Variants in LINGO2 observed in about 807,000 individuals in gnomAD.
The protein encoded by LINGO2 is leucine rich repeat and Ig domain containing 2, also known as leucine-rich repeat and immunoglobulin-like domain-containing nogo receptor-interacting protein 2.
A neutral mutation model predicts 30.6 loss-of-function variants in LINGO2; 14 were observed. The observed-to-expected ratio is 0.46, with a 90% confidence interval of 0.30 to 0.72. LINGO2 has a LOEUF of 0.72. Ranked by LOEUF, LINGO2 falls within the 30% of genes least tolerant of loss-of-function variation. The pLI is 0.07. For missense variants in LINGO2, 729 were observed against 751.7 expected, an observed-to-expected ratio of 0.97 and a Z score of 0.35; for synonymous variants, 317 against 288.5, an observed-to-expected ratio of 1.10 and a Z score of -1.00.
chr9:28,800,168 C>T, the LINGO2 span, among the ~76,000 whole-genome samples: 2 of 152,060 alleles, frequency 1.3e-5, no homozygotes, highest in East Asian at 3.9e-4. Flanking sequence ...TCTATATCAA[C>T]ATAGGTTCCT....
intron 4 of LINGO2, among the ~76,000 whole-genome samples, chr9:28,075,790 T>C (rs1825606398): frequency 6.6e-6 from 1 of 152,020 alleles, no homozygotes; most frequent in South Asian, 2.1e-4. Context: ...TCTTTATATG[T>C]TACACATACT....
chr9:28,606,099 C>T (rs1359861024), intron 1 of LINGO2, among the ~76,000 whole-genome samples: 1 of 151,892 alleles, frequency 6.6e-6, no homozygotes, highest in Non-Finnish European at 1.5e-5. Flanking sequence ...GAATAAAAAC[C>T]CAGGATCCCT....
At chr9:28,692,120 G>A in the LINGO2 span, among the ~76,000 whole-genome samples, 1 of 152,084 alleles carries the variant, frequency 6.6e-6, no homozygotes, top group Non-Finnish European at 1.5e-5. Context: ...TTTGCACTAT[G>A]ATATTCTCAT....
chr9:29,036,617 A>G, the LINGO2 span, among the ~76,000 whole-genome samples: 8 of 152,008 alleles, frequency 5.3e-5, no homozygotes, highest in Admixed American at 2.6e-4. Flanking sequence ...TTTGGGAGAG[A>G]TCGGAAATCT....
rs182401873 is a variant in LINGO2 at position 28,246,494 on chromosome 9, G to C, written c.-87+48714C>G. On this transcript the variant is annotated intron_variant, in intron 4 of 5. Coordinates refer to ENST00000379992, the Ensembl canonical transcript of LINGO2. ...CTTAAACAAACCTAACAAAAACAAG[G>C]AATAGGGAAAGTATTCCCTATTTAA... is the stretch of plus-strand genomic sequence containing the variant. Among the ~76,000 whole-genome samples, 19 of 152,078 alleles carry C rather than the reference G, an allele frequency of 1.2e-4. No individual in the cohort carries two copies. In the East Asian group the frequency reaches 3.7e-3, roughly 29 times the overall value.
chr9:28,912,892 G>A, the LINGO2 span, among the ~76,000 whole-genome samples: 1 of 152,162 alleles, frequency 6.6e-6, no homozygotes, highest in Non-Finnish European at 1.5e-5. Context: ...TCTTGAGATT[G>A]TGTGGAATCT....
chr9:28,135,788 C>T (rs927810101), intron 4 of LINGO2, among the ~76,000 whole-genome samples: 1 of 152,184 alleles, frequency 6.6e-6, no homozygotes, highest in African/African-American at 2.4e-5. Flanking sequence ...AATGCCTTCC[C>T]TCTACCCTCT....
At chr9:28,553,748 GA>G (rs1822458403) in intron 1 of LINGO2, among the ~76,000 whole-genome samples, 1 of 151,938 alleles carries the variant, frequency 6.6e-6, no homozygotes, top group African/African-American at 2.4e-5. Flanking sequence ...CAGCCAGAGA[GA>G]AAGGTCGGGT....
intron 4 of LINGO2, among the ~76,000 whole-genome samples, chr9:28,290,669 G>A (rs915611781): frequency 6.6e-6 from 1 of 152,148 alleles, no homozygotes; most frequent in South Asian, 2.1e-4. Flanking sequence ...ACTGGGGAGG[G>A]GCAAGGAAGC....
chr9:28,787,430 T>C, the LINGO2 span, among the ~76,000 whole-genome samples: 9 of 152,150 alleles, frequency 5.9e-5, no homozygotes, highest in African/African-American at 2.2e-4. Flanking sequence ...TGGCATCTTG[T>C]AGGATAAATA....
intron 5 of LINGO2, among the ~76,000 whole-genome samples, chr9:27,977,487 TCCC>T (rs1563875056): frequency 4.6e-5 from 7 of 151,928 alleles, no homozygotes; most frequent in Non-Finnish European, 1.0e-4. Flanking sequence ...TTACGACGAC[TCCC>T]TGACTACAAG....
At chr9:28,272,491 C>T (rs116461417) in intron 4 of LINGO2, among the ~76,000 whole-genome samples, 2 of 151,976 alleles carry the variant, frequency 1.3e-5, no homozygotes, top group African/African-American at 2.4e-5. Flanking sequence ...ACTTGAATAT[C>T]GCCTCCTGAA....
intron 1 of LINGO2, among the ~76,000 whole-genome samples, chr9:28,641,679 TAAATAAGA>T (rs1387085136): frequency 6.6e-6 from 1 of 152,170 alleles, no homozygotes; most frequent in Non-Finnish European, 1.5e-5. Flanking sequence ...ATCGGAAATT[TAAATAAGA>T]TATACCAAGA....
chr9:28,589,473 G>A (rs534076907), intron 1 of LINGO2, among the ~76,000 whole-genome samples: 3 of 152,030 alleles, frequency 2.0e-5, no homozygotes, highest in Non-Finnish European at 4.4e-5. Flanking sequence ...CAAAATCAAT[G>A]TACAAAAATC....
intron 3 of LINGO2, among the ~76,000 whole-genome samples, chr9:28,332,734 C>T (rs551708194): frequency 2.0e-5 from 3 of 152,162 alleles, no homozygotes; most frequent in South Asian, 2.1e-4. Flanking sequence ...GAAACAAGAA[C>T]CTTATTTAGT....
At chr9:28,406,688 G>T (rs1822528725) in intron 2 of LINGO2, among the ~76,000 whole-genome samples, 2 of 152,238 alleles carry the variant, frequency 1.3e-5, no homozygotes, top group Admixed American at 1.3e-4. Context: ...AGACAAACAT[G>T]AATCCATCTG....
the LINGO2 span, among the ~76,000 whole-genome samples, chr9:28,840,961 T>C: frequency 6.6e-6 from 1 of 151,890 alleles, no homozygotes; most frequent in African/African-American, 2.4e-5. Flanking sequence ...TTTTCACTTG[T>C]GGTTCCTTGA....
intron 1 of LINGO2, among the ~76,000 whole-genome samples, chr9:28,535,739 C>A (rs756878356): frequency 2.6e-4 from 39 of 152,078 alleles, no homozygotes; most frequent in Non-Finnish European, 5.1e-4. Flanking sequence ...CACACACACA[C>A]ACACACGGAG....
At chr9:29,163,218 A>G in the LINGO2 span, among the ~76,000 whole-genome samples, 7 of 152,196 alleles carry the variant, frequency 4.6e-5, no homozygotes, top group Admixed American at 2.0e-4. Context: ...AGCTCAGATC[A>G]AAATCAAACT....
Sources: gnomAD v4.1 joint callset for allele counts (sites outside exome capture counted in the v4.1 genomes callset) on GRCh38, gnomAD v4.1.1 for gene constraint, MANE v1.5 for transcripts, NCBI Gene and HGNC (gene_info 2026-07-23, HGNC 2026-07-21) for gene names.